Variants in THSD7A observed in about 807,000 individuals in gnomAD.
The protein encoded by THSD7A is thrombospondin type-1 domain-containing protein 7A.
A neutral mutation model predicts 231.3 loss-of-function variants in THSD7A; 96 were observed. The observed-to-expected ratio is 0.41, with a 90% confidence interval of 0.35 to 0.49. The LOEUF (loss-of-function observed/expected upper bound fraction) is 0.49, where lower values mean the gene tolerates loss of function less well. Among genes scored for constraint, THSD7A ranks in the 20% least tolerant of loss-of-function variants. The pLI is 0.05. For synonymous variants in THSD7A, 940 were observed against 743.3 expected (o/e 1.26, Z -4.30); for missense variants, 2,290 against 2,070.2 (o/e 1.11, Z -2.06).
At chr7:11,531,909 T>A (rs1279913461) in intron 6 of THSD7A, among the ~76,000 whole-genome samples, 2 of 152,146 alleles carry the variant, frequency 1.3e-5, no homozygotes, top group Non-Finnish European at 2.9e-5. Flanking sequence ...ATTCAGTATG[T>A]CCACAAATTC....
chr7:11,687,574 T>A (rs1780098260), intron 1 of THSD7A, among the ~76,000 whole-genome samples: 1 of 151,904 alleles, frequency 6.6e-6, no homozygotes, highest in Non-Finnish European at 1.5e-5. Flanking sequence ...ATCAGGATAA[T>A]ATTTTATTAT....
chr7:11,600,328 G>C (rs1780506050), intron 2 of THSD7A, among the ~76,000 whole-genome samples: 1 of 151,960 alleles, frequency 6.6e-6, no homozygotes, highest in Non-Finnish European at 1.5e-5. Context: ...ATACATGTGG[G>C]TTTCCTAATT....
At chr7:11,521,433 C>T (rs1439209546) in intron 6 of THSD7A, among the ~76,000 whole-genome samples, 1 of 150,832 alleles carries the variant, frequency 6.6e-6, no homozygotes, top group Non-Finnish European at 1.5e-5. Flanking sequence ...AAGTCACAAG[C>T]TTAGGGCACT....
chr7:11,593,320 T>C lies in THSD7A; in HGVS notation c.1205A>G (p.Glu402Gly). The C allele has an allele frequency of 6.2e-7, 1 of 1,613,982 alleles. No homozygotes were observed. The highest frequency in any genetic ancestry group is 8.5e-7 in the Non-Finnish European group (1 of 1,179,882). The change falls in exon 3 of 28, where the codon GAG becomes GGG. Residue 402 changes from glutamate (E) to glycine (G), a missense_variant. Physicochemically the swap from Glu to Gly is moderately conservative, Grantham distance 98 (BLOSUM62 -2). Transcript: ENST00000423059. ...TTCTTTTTCTTCAAATTCTGGACAC[T>C]CCTTTTCACTGCCAATGGGAAACTG... is the stretch of plus-strand genomic sequence containing the variant. Reference protein sequence around the residue: ...IRQFPIGSEKECPEFEEKEPC... With the variant: ...IRQFPIGSEKGCPEFEEKEPC...
Position 11,446,466 on chromosome 7 carries a change from T to C in THSD7A, c.2801-142A>G. 1 of 1,005,442 alleles carries C rather than the reference T, an allele frequency of 9.9e-7. No individual in the cohort carries two copies. The highest frequency in any genetic ancestry group is 1.5e-6 in the Non-Finnish European group (1 of 687,834). 62.3% of individuals were successfully genotyped at this position (1,005,442 alleles called of 1,614,324 possible). On this transcript the variant is annotated intron_variant, in intron 12 of 27. Transcript: ENST00000423059. The surrounding 1 kb of genome is among the most constrained non-coding windows in gnomAD (Gnocchi z 4.0). ...AGTAGCCTATAAATCAATGCTATTT[T>C]CTCATTCCACAGTGTTTTCTACATA...
chr7:11,587,876 A>C (rs1779978937), intron 4 of THSD7A, among the ~76,000 whole-genome samples: 1 of 152,134 alleles, frequency 6.6e-6, no homozygotes, highest in Non-Finnish European at 1.5e-5. Context: ...GTACTAATAC[A>C]CTTTATTTTT....
At chr7:11,813,295 G>T (rs1235331871) in intron 1 of THSD7A, among the ~76,000 whole-genome samples, 2 of 152,006 alleles carry the variant, frequency 1.3e-5, no homozygotes, top group Admixed American at 6.6e-5. Flanking sequence ...TATGAATTAG[G>T]TCCCCTAAAA....
At position 11,831,910 on chromosome 7, in the gene THSD7A, G is replaced by A; in HGVS notation, c.37C>T (p.Arg13Trp). The change falls in exon 1 of 28, where the codon CGG becomes TGG. Residue 13 changes from arginine (R) to tryptophan (W), a missense_variant. Physicochemically the swap from Arg to Trp is moderately radical, Grantham distance 101. Coordinates refer to ENST00000423059, the MANE Select transcript of THSD7A (RefSeq NM_015204.3). The surrounding 1 kb of genome is among the most constrained non-coding windows in gnomAD (Gnocchi z 5.0). ...CCCCGGCGCGGCCCCGCAGCGCCCC[G>A]GCTCCCGGACGCCCAGCGCCTGGCT... ...LQARRWASGS[R>W]GAAGPRRGVL... The A allele has an allele frequency of 4.9e-6, 6 of 1,233,306 alleles. No individual in the cohort carries two copies. Among genetic ancestry groups the A allele is most frequent in the Non-Finnish European group, 6.1e-6 (6 of 991,146 alleles). 76.4% of individuals were successfully genotyped at this position (1,233,306 alleles called of 1,614,324 possible).
intron 26 of THSD7A, 54 bp from the exon 27 acceptor site, chr7:11,376,711 C>T (rs1782288378): frequency 7.5e-7 from 1 of 1,329,812 alleles, no homozygotes; most frequent in Admixed American, 2.0e-5. Flanking sequence ...ATACATGAGG[C>T]AGTCTTTAAC....
chr7:11,712,917 A>G (rs899442931), intron 1 of THSD7A, among the ~76,000 whole-genome samples: 1 of 151,090 alleles, frequency 6.6e-6, no homozygotes, highest in Non-Finnish European at 1.5e-5. Flanking sequence ...AGATGAACTT[A>G]AGTATCTTCC....
chr7:11,677,710 C>A (rs542185530), intron 1 of THSD7A, among the ~76,000 whole-genome samples: 2 of 150,436 alleles, frequency 1.3e-5, no homozygotes, highest in South Asian at 2.1e-4. Flanking sequence ...GGGATCAATG[C>A]AACAAGAAGG....
rs373772477 is a variant in THSD7A, at chr7:11,773,447, T to C, written c.190+58310A>G. On this transcript the variant is annotated intron_variant, in intron 1 of 27. Coordinates refer to ENST00000423059, the MANE Select transcript of THSD7A (RefSeq NM_015204.3). ...CGGGAGGCTGAGGCAGGAGAATTGC[T>C]TGAACCCGGGAGGCAGAGATTGGGG... is the stretch of plus-strand genomic sequence containing the variant. Among the ~76,000 whole-genome samples, 10 of 152,148 alleles carry C rather than the reference T, an allele frequency of 6.6e-5. No individual in the cohort carries two copies. The East Asian group carries it at 1.4e-3, about 21-fold the overall frequency.
intron 6 of THSD7A, among the ~76,000 whole-genome samples, chr7:11,519,699 G>A (rs1474539649): frequency 6.6e-6 from 1 of 152,100 alleles, no homozygotes; most frequent in Non-Finnish European, 1.5e-5. Context: ...GAAAAATATC[G>A]TTCAAACATT....
At chr7:11,430,939 A>T (rs1238543868) in intron 13 of THSD7A, among the ~76,000 whole-genome samples, 3 of 152,204 alleles carry the variant, frequency 2.0e-5, no homozygotes, top group Non-Finnish European at 4.4e-5. Context: ...TATCATGAAT[A>T]ATGCTGCTAT....
chr7:11,551,592 A>C (rs1789629496), intron 4 of THSD7A, among the ~76,000 whole-genome samples: 1 of 152,194 alleles, frequency 6.6e-6, no homozygotes, highest in Admixed American at 6.5e-5. Flanking sequence ...AAACATATGA[A>C]AAATTGCTCA....
chr7:11,454,991 T>C (rs1785259694), intron 11 of THSD7A, among the ~76,000 whole-genome samples: 1 of 152,024 alleles, frequency 6.6e-6, no homozygotes, highest in South Asian at 2.1e-4. Flanking sequence ...CATGTTGAAA[T>C]CACCAATGTG....
chr7:11,609,956 GGA>G (rs764317120), intron 2 of THSD7A, among the ~76,000 whole-genome samples: 25 of 151,954 alleles, frequency 1.6e-4, no homozygotes, highest in Non-Finnish European at 2.8e-4. Context: ...TCTAAATTAG[GGA>G]GAGAAGCATT....
intron 1 of THSD7A, among the ~76,000 whole-genome samples, chr7:11,654,128 G>A (rs181739145): frequency 9.9e-5 from 15 of 151,964 alleles, no homozygotes; most frequent in Non-Finnish European, 1.6e-4. Flanking sequence ...TAGGGTTGAG[G>A]ATTGTATAGT....
intron 1 of THSD7A, among the ~76,000 whole-genome samples, chr7:11,751,722 A>G (rs1345128759): frequency 6.6e-6 from 1 of 152,008 alleles, no homozygotes; most frequent in Non-Finnish European, 1.5e-5. Flanking sequence ...ACTTTACGGT[A>G]CACTGGATAG....
Sources: allele counts gnomAD v4.1 joint callset (sites outside exome capture counted in the v4.1 genomes callset), GRCh38; gene constraint gnomAD v4.1.1; non-coding constraint Gnocchi (gnomAD v3.1); transcripts MANE v1.5; gene names NCBI Gene and HGNC (gene_info 2026-07-23, HGNC 2026-07-21).